The following RBFOX1 variants were observed in gnomAD, a reference collection of about 807,000 sequenced individuals.
RBFOX1 encodes RNA binding protein fox-1 homolog 1.
RBFOX1 carries 8 observed loss-of-function variants against 57.7 expected under a neutral mutation model. The observed-to-expected ratio is 0.14, with a 90% CI of 0.08 to 0.25. The LOEUF is 0.25. Ranked by LOEUF, RBFOX1 falls within the 10% of genes least tolerant of loss-of-function variation. The pLI, the probability that RBFOX1 is intolerant of heterozygous loss-of-function variation, is 1.00. For missense variants in RBFOX1, 611 were observed against 548.5 expected, an observed-to-expected ratio of 1.11 and a Z score of -1.14; for synonymous variants, 326 against 222.4, an observed-to-expected ratio of 1.47 and a Z score of -4.15.
chr16:6,201,739 A>G (rs1478899243), intron 1 of RBFOX1, among the ~76,000 whole-genome samples: 2 of 152,182 alleles, frequency 1.3e-5, no homozygotes, highest in African/African-American at 2.4e-5. Context: ...CCTTAATTTG[A>G]TCCTTACACA....
intron 3 of RBFOX1, chr16:5,838,540 CTGTT>C (rs1311882755): frequency 2.5e-5 from 4 of 158,432 alleles, no homozygotes; most frequent in Non-Finnish European, 5.7e-5. Flanking sequence ...GCTTAGATGA[CTGTT>C]TGGCTGCCCG....
chr16:7,242,865 T>A (rs146608137), intron 4 of RBFOX1, among the ~76,000 whole-genome samples: 1 of 152,270 alleles, frequency 6.6e-6, no homozygotes, highest in African/African-American at 2.4e-5. Flanking sequence ...GAGAGAGATA[T>A]GGAGTCTGCG....
chr16:5,808,896 T>C (rs904923075), intron 3 of RBFOX1, among the ~76,000 whole-genome samples: 1 of 152,178 alleles, frequency 6.6e-6, no homozygotes, highest in African/African-American at 2.4e-5. Context: ...GTTTTCCTAA[T>C]TAAATACCCT....
chr16:6,644,497 C>A (rs961545711), intron 2 of RBFOX1, among the ~76,000 whole-genome samples: 2 of 152,158 alleles, frequency 1.3e-5, no homozygotes. Context: ...TCAGATGAAC[C>A]TTTGACTGTG....
intron 3 of RBFOX1, among the ~76,000 whole-genome samples, chr16:6,911,245 AG>A (rs2071512037): frequency 6.6e-6 from 1 of 150,894 alleles, no homozygotes; most frequent in African/African-American, 2.4e-5. Flanking sequence ...AACCTTGGGT[AG>A]TGCGTTAGTT....
At chr16:7,166,778 A>G (rs1239778076) in intron 4 of RBFOX1, among the ~76,000 whole-genome samples, 2 of 152,032 alleles carry the variant, frequency 1.3e-5, no homozygotes, top group Non-Finnish European at 2.9e-5. Flanking sequence ...GGGTGGATAC[A>G]GGACAGACAG....
At chr16:6,170,876 T>C (rs2096955289) in intron 1 of RBFOX1, among the ~76,000 whole-genome samples, 1 of 152,196 alleles carries the variant, frequency 6.6e-6, no homozygotes, top group Non-Finnish European at 1.5e-5. Flanking sequence ...TTGCTAAATA[T>C]AATGGCCTCC....
chr16:7,326,612 A>G (rs2096615062), intron 4 of RBFOX1, among the ~76,000 whole-genome samples: 1 of 152,134 alleles, frequency 6.6e-6, no homozygotes, highest in Admixed American at 6.5e-5. Flanking sequence ...CACCTTCAGC[A>G]TGTCATTTCA....
At chr16:5,636,835 A>G (rs1476444582) in intron 3 of RBFOX1, among the ~76,000 whole-genome samples, 2 of 152,188 alleles carry the variant, frequency 1.3e-5, no homozygotes, top group Non-Finnish European at 2.9e-5. Context: ...CAGACCTGGG[A>G]AGTAAACATT....
chr16:6,956,579 A>C (rs961404283), intron 3 of RBFOX1, among the ~76,000 whole-genome samples: 10 of 152,194 alleles, frequency 6.6e-5, no homozygotes, highest in Admixed American at 6.5e-4. Context: ...GCCTCTGGTC[A>C]GGTGTGGGAG....
intron 3 of RBFOX1, among the ~76,000 whole-genome samples, chr16:6,996,691 T>C (rs2092281357): frequency 6.6e-6 from 1 of 152,206 alleles, no homozygotes; most frequent in Non-Finnish European, 1.5e-5. Context: ...GTGGCAGGAT[T>C]GGGATTCAAT....
chr16:7,324,653 C>T (rs992785311), intron 4 of RBFOX1, among the ~76,000 whole-genome samples: 13 of 152,160 alleles, frequency 8.5e-5, no homozygotes, highest in South Asian at 2.1e-4. Context: ...GGTCAGGAAG[C>T]GCTTAATGAA....
intron 2 of RBFOX1, chr16:6,577,143 G>T (rs1355312511): frequency 6.6e-6 from 1 of 152,174 alleles, no homozygotes; most frequent in Non-Finnish European, 1.5e-5. Flanking sequence ...AAACGGAGTT[G>T]TCATCTTCTA....
intron 3 of RBFOX1, among the ~76,000 whole-genome samples, chr16:7,034,827 CTTTTTTT>C (rs113413414): frequency 1.8e-5 from 1 of 54,114 alleles, no homozygotes; most frequent in African/African-American, 8.9e-5. Flanking sequence ...TATTGCATTA[CTTTTTTT>C]TTTTTTCTTT....
chr16:7,643,683 A>T (rs1267236396), intron 11 of RBFOX1, among the ~76,000 whole-genome samples: 1 of 152,292 alleles, frequency 6.6e-6, no homozygotes, highest in Admixed American at 6.5e-5. Flanking sequence ...TCCCCCTCAC[A>T]TCGAGATGTA....
chr16:6,684,161 T>C (rs1209730867), intron 3 of RBFOX1, among the ~76,000 whole-genome samples: 1 of 152,184 alleles, frequency 6.6e-6, no homozygotes, highest in Non-Finnish European at 1.5e-5. Context: ...GGTTCGACTT[T>C]AGGATCTGAT....
chr16:5,262,998 T>G (rs2062771814), intron 1 of RBFOX1, among the ~76,000 whole-genome samples: 1 of 151,990 alleles, frequency 6.6e-6, no homozygotes, highest in Admixed American at 6.6e-5. Flanking sequence ...AAGTTATCTT[T>G]CTGGGGAGTG....
At chr16:6,782,294 G>C (rs1327410579) in intron 3 of RBFOX1, among the ~76,000 whole-genome samples, 1 of 152,048 alleles carries the variant, frequency 6.6e-6, no homozygotes, top group Non-Finnish European at 1.5e-5. Flanking sequence ...TTTTGATACA[G>C]GCATTTATTG....
In RBFOX1 at chr16:6,761,534, G is replaced by A. The variant is rs533310890; in HGVS notation, c.-16+106884G>A. Among the ~76,000 whole-genome samples, 36 of 67,562 alleles carry A rather than the reference G, an allele frequency of 5.3e-4. No individual in the cohort carries two copies. In the East Asian group the frequency reaches 0.011, roughly 21 times the overall value. 44.3% of individuals were successfully genotyped at this position (67,562 alleles called of 152,430 possible). A position where few individuals can be genotyped will look rare whatever the true frequency, so the allele number is the denominator to read the frequency against. On this transcript the variant is annotated intron_variant, in intron 3 of 15. Coordinates refer to ENST00000550418, the MANE Select transcript of RBFOX1 (RefSeq NM_018723.4). ...TTTTTTTTTTTTTTTTTGAGACAGAGTCTTGCTCTGTCACCCAGGCTGGAG... is the reference window on the plus strand; with the variant it reads ...TTTTTTTTTTTTTTTTTGAGACAGAATCTTGCTCTGTCACCCAGGCTGGAG...
Sources: gnomAD v4.1 joint callset for allele counts (sites outside exome capture counted in the v4.1 genomes callset) on GRCh38, gnomAD v4.1.1 for gene constraint, MANE v1.5 for transcripts, NCBI Gene and HGNC (gene_info 2026-07-23, HGNC 2026-07-21) for gene names.